Variants in RXFP1 observed in about 807,000 individuals in gnomAD.
The protein encoded by RXFP1 is relaxin receptor 1.
A neutral mutation model predicts 89.8 loss-of-function variants in RXFP1; 73 were observed. The ratio of observed to expected loss-of-function variants is 0.81; its 90% CI spans 0.67 to 0.99. The LOEUF is 0.99. RXFP1 is among the 50% of genes least tolerant of loss of function. The pLI is 0.00. For synonymous variants in RXFP1, 277 were observed against 305.5 expected (o/e 0.91, Z 0.97); for missense variants, 793 against 895.5 (o/e 0.89, Z 1.46).
intron 1 of RXFP1, among the ~76,000 whole-genome samples, chr4:158,541,150 A>C (rs1746510136): frequency 6.6e-6 from 1 of 152,194 alleles, no homozygotes; most frequent in Admixed American, 6.5e-5. Context: ...CCCGCTATGC[A>C]TCATGTCCAG....
At chr4:158,523,545 A>G (rs1023443770) in intron 1 of RXFP1, among the ~76,000 whole-genome samples, 1 of 152,202 alleles carries the variant, frequency 6.6e-6, no homozygotes, top group Admixed American at 6.5e-5. Context: ...CTTTAAATTT[A>G]ACTTCTCTTT....
intron 2 of RXFP1, among the ~76,000 whole-genome samples, chr4:158,591,016 G>A (rs1759342821): frequency 6.6e-6 from 1 of 152,118 alleles, no homozygotes; most frequent in Non-Finnish European, 1.5e-5. Context: ...CCTGAGGCTG[G>A]CTGCAGTAAC....
At chr4:158,615,195 T>C (rs1436878890) in intron 8 of RXFP1, among the ~76,000 whole-genome samples, 2 of 152,132 alleles carry the variant, frequency 1.3e-5, no homozygotes, top group Admixed American at 6.5e-5. Flanking sequence ...TATGGGGGAA[T>C]GGCTGGTTGG....
At chr4:158,523,876 T>C (rs13139892) in intron 1 of RXFP1, among the ~76,000 whole-genome samples, 19,581 of 152,212 alleles carry the variant, frequency 0.13, 1,352 homozygotes, top group Middle Eastern at 0.18. Context: ...AAATGCCCCA[T>C]GGTTGTTGTT....
chr4:158,626,128 A>ATAGATAGATAGATAGATAGATAGATAGT (rs1209763688), intron 9 of RXFP1, among the ~76,000 whole-genome samples: 76 of 136,652 alleles, frequency 5.6e-4, no homozygotes, highest in African/African-American at 1.8e-3. Context: ...AGATAGATAG[A>ATAGATAGATAGATAGATAGATAGATAGT]TAGATAGATA....
At position 158,527,859 on chromosome 4, in the gene RXFP1, A is replaced by G. The variant is rs574131812; in HGVS notation, c.49+5834A>G. ...AAGGCCATATAGCTGTGTTCCCTTT[A>G]GTTTTCAGCTGTCTTATTCTTAACT... On this transcript the variant is annotated intron_variant, in intron 1 of 17. Coordinates refer to ENST00000307765, the MANE Select transcript of RXFP1 (RefSeq NM_021634.4). Among the ~76,000 whole-genome samples, 3 of 152,214 alleles carry G rather than the reference A, an allele frequency of 2.0e-5. No individual in the cohort carries two copies. In the South Asian group the frequency reaches 6.2e-4, roughly 32 times the overall value.
chr4:158,617,354 T>G, intron 9 of RXFP1, 149 bp downstream of exon 9: 1 of 512,800 alleles, frequency 2.0e-6, no homozygotes, highest in South Asian at 3.7e-5. Flanking sequence ...TTAACATGAT[T>G]TTTATGTTAA....
chr4:158,591,340 G>C (rs1195930216), intron 2 of RXFP1, among the ~76,000 whole-genome samples: 1 of 152,108 alleles, frequency 6.6e-6, no homozygotes, highest in Non-Finnish European at 1.5e-5. Flanking sequence ...ATCAACTGAT[G>C]CATGTGTTAA....
rs753935422 is a variant in RXFP1 at position 158,628,621 on chromosome 4, T to A, written c.828-17T>A. The A allele has an allele frequency of 2.8e-5, 37 of 1,314,032 alleles. No individual in the cohort carries two copies. The highest frequency in any genetic ancestry group is 3.6e-5 in the Non-Finnish European group (33 of 917,242). The allele number at this position is 1,314,032 out of a possible 1,614,324, so 81.4% of individuals were successfully genotyped here. A position where few individuals can be genotyped will look rare whatever the true frequency, so the allele number is the denominator to read the frequency against. On this transcript the variant is annotated splice_polypyrimidine_tract_variant and intron_variant, in intron 10 of 17. Coordinates refer to ENST00000307765, the MANE Select transcript of RXFP1 (RefSeq NM_021634.4). Reference sequence around the variant, plus strand: ...TTACCTAAAGAAGTTACAATGTATTTTTCTTTTTACTTTCAGAGTGATGAG... The same window carrying A: ...TTACCTAAAGAAGTTACAATGTATTATTCTTTTTACTTTCAGAGTGATGAG...
At chr4:158,545,276 G>C (rs201916257) in intron 1 of RXFP1, among the ~76,000 whole-genome samples, 1 of 150,048 alleles carries the variant, frequency 6.7e-6, no homozygotes, top group African/African-American at 2.5e-5. Context: ...CATATCCTTC[G>C]CCCACTTTTT....
chr4:158,585,104 T>C (rs1256945488), intron 2 of RXFP1, among the ~76,000 whole-genome samples: 1 of 152,232 alleles, frequency 6.6e-6, no homozygotes, highest in Non-Finnish European at 1.5e-5. Flanking sequence ...TGAAAACCAC[T>C]GATCTAGACG....
intron 1 of RXFP1, among the ~76,000 whole-genome samples, chr4:158,563,533 CA>C (rs1561017108): frequency 2.6e-4 from 39 of 147,226 alleles, no homozygotes; most frequent in African/African-American, 8.7e-4. Context: ...CACACACACA[CA>C]CACCCCAACA....
chr4:158,642,622 CTT>C (rs1209885850), intron 14 of RXFP1, among the ~76,000 whole-genome samples: 2 of 152,116 alleles, frequency 1.3e-5, no homozygotes, highest in East Asian at 3.8e-4. Context: ...GAATTTCATT[CTT>C]TTTTTATAGC....
chr4:158,597,713 A>G (rs1760909117), intron 3 of RXFP1, among the ~76,000 whole-genome samples: 1 of 152,146 alleles, frequency 6.6e-6, no homozygotes, highest in Non-Finnish European at 1.5e-5. Flanking sequence ...TGTATATGAA[A>G]AAAACACACT....
intron 2 of RXFP1, among the ~76,000 whole-genome samples, chr4:158,580,982 G>T (rs1019856682): frequency 6.6e-6 from 1 of 151,958 alleles, no homozygotes; most frequent in Non-Finnish European, 1.5e-5. Flanking sequence ...TAGAGACAGG[G>T]TTTCACCATG....
At chr4:158,611,880 G>A (rs1416192439) in intron 6 of RXFP1, among the ~76,000 whole-genome samples, 1 of 152,146 alleles carries the variant, frequency 6.6e-6, no homozygotes, top group African/African-American at 2.4e-5. Flanking sequence ...GTGCCATGGG[G>A]TAAGTATTCA....
chr4:158,609,179 G>A (rs930466531), intron 6 of RXFP1, among the ~76,000 whole-genome samples: 9 of 152,198 alleles, frequency 5.9e-5, no homozygotes, highest in South Asian at 2.1e-4. Flanking sequence ...TGCTAAATCA[G>A]ATGGTAATTC....
intron 3 of RXFP1, among the ~76,000 whole-genome samples, chr4:158,594,989 T>C (rs1760253545): frequency 6.6e-6 from 1 of 152,212 alleles, no homozygotes; most frequent in African/African-American, 2.4e-5. Context: ...TAAGGTTGCA[T>C]TATCCTAAAT....
At chr4:158,612,237 T>C in intron 7 of RXFP1, 36 bp downstream of exon 7, 3 of 1,603,326 alleles carry the variant, frequency 1.9e-6, no homozygotes, top group Non-Finnish European at 2.6e-6. Context: ...ATTGCACTAG[T>C]TTTTAGATTC....
Sources: gnomAD v4.1 joint callset for allele counts (sites outside exome capture counted in the v4.1 genomes callset) on GRCh38, gnomAD v4.1.1 for gene constraint, MANE v1.5 for transcripts, NCBI Gene and HGNC (gene_info 2026-07-23, HGNC 2026-07-21) for gene names.